The following ACVR2A variants were observed in gnomAD, a reference collection of about 807,000 sequenced individuals.
ACVR2A encodes the protein activin receptor type-2A.
A neutral mutation model predicts 61.4 loss-of-function variants in ACVR2A; 7 were observed. The observed-to-expected ratio is 0.11, with a 90% CI of 0.06 to 0.21. The LOEUF is 0.21. Ranked by LOEUF, ACVR2A falls within the 10% of genes least tolerant of loss-of-function variation. ACVR2A has a pLI of 1.00. For missense variants in ACVR2A, 322 were observed against 621.7 expected (o/e 0.52, Z 5.13); for synonymous variants, 193 against 208.3 (o/e 0.93, Z 0.63).
chr2:147,899,949 A>G (rs949791165), intron 4 of ACVR2A, 51 bp downstream of exon 4: 12 of 1,563,550 alleles, frequency 7.7e-6, no homozygotes, highest in African/African-American at 1.4e-5. Flanking sequence ...TATTTTTGAG[A>G]AATATTACTG....
chr2:147,884,384 C>T (rs571028166), intron 1 of ACVR2A, among the ~76,000 whole-genome samples: 14 of 152,002 alleles, frequency 9.2e-5, no homozygotes, highest in African/African-American at 1.7e-4. Context: ...TCTTAAAACC[C>T]GGGCATTTGT....
In ACVR2A at chr2:147,845,128, C is replaced by G. The variant is rs1558955747; in HGVS notation, c.-25C>G. On this transcript the variant is annotated 5_prime_UTR_variant, in exon 1 of 11. Transcript: ENST00000241416. Reference sequence around the variant, plus strand: ...ACTGGATATCTAGCGAGAACTTCCTCCGGATTCCCCGGCGCCTCGGGAAAA... The same window carrying G: ...ACTGGATATCTAGCGAGAACTTCCTGCGGATTCCCCGGCGCCTCGGGAAAA... The G allele has an allele frequency of 3.7e-6, 6 of 1,607,568 alleles. No individual in the cohort carries two copies. The highest frequency in any genetic ancestry group is 5.1e-6 in the Non-Finnish European group (6 of 1,176,974).
chr2:147,850,882 T>C (rs914549701), intron 1 of ACVR2A, among the ~76,000 whole-genome samples: 6 of 152,108 alleles, frequency 3.9e-5, no homozygotes, highest in East Asian at 1.9e-4. Flanking sequence ...GTCTCTGAGA[T>C]TGGATTTTTT....
chr2:147,861,629 G>A (rs1051178131), intron 1 of ACVR2A, among the ~76,000 whole-genome samples: 10 of 151,946 alleles, frequency 6.6e-5, no homozygotes, highest in African/African-American at 2.4e-4. Context: ...TTCAGATTTG[G>A]GATGCTTAAC....
chr2:147,901,969 T>C (rs1328546227), intron 4 of ACVR2A, among the ~76,000 whole-genome samples: 1 of 151,996 alleles, frequency 6.6e-6, no homozygotes, highest in African/African-American at 2.4e-5. Flanking sequence ...TATTTCAAAA[T>C]AATGATAATT....
chr2:147,847,522 A>G (rs1300478002), intron 1 of ACVR2A, among the ~76,000 whole-genome samples: 2 of 152,184 alleles, frequency 1.3e-5, no homozygotes, highest in Non-Finnish European at 2.9e-5. Context: ...AAAAATCAAA[A>G]TGGGAAACAA....
chr2:147,921,394 C>T (rs188900761), intron 8 of ACVR2A, among the ~76,000 whole-genome samples: 3 of 152,300 alleles, frequency 2.0e-5, no homozygotes, highest in Non-Finnish European at 4.4e-5. Flanking sequence ...TTCTACAAAG[C>T]TAAATGGTTC....
At chr2:147,901,025 C>T (rs961617979) in intron 4 of ACVR2A, among the ~76,000 whole-genome samples, 7 of 151,886 alleles carry the variant, frequency 4.6e-5, no homozygotes, top group Admixed American at 6.6e-5. Context: ...ATACCATGTT[C>T]GGTAATTAGG....
intron 1 of ACVR2A, among the ~76,000 whole-genome samples, chr2:147,883,847 TG>T (rs1686369117): frequency 6.6e-6 from 1 of 152,176 alleles, no homozygotes; most frequent in South Asian, 2.1e-4. Flanking sequence ...CTCTTAACAT[TG>T]CTGGTTCCTC....
chr2:147,902,513 A>G (rs185249637), intron 4 of ACVR2A, among the ~76,000 whole-genome samples: 1 of 152,154 alleles, frequency 6.6e-6, no homozygotes, highest in Admixed American at 6.6e-5. Context: ...GAGGAATAAC[A>G]TCATCTTATG....
intron 3 of ACVR2A, 88 bp downstream of exon 3, chr2:147,899,655 C>A: frequency 6.3e-7 from 1 of 1,584,746 alleles, no homozygotes; most frequent in Non-Finnish European, 8.6e-7. Context: ...TTGCCCCTAC[C>A]TCTTCCCCAA....
intron 5 of ACVR2A, 152 bp downstream of exon 5, chr2:147,915,486 C>T: frequency 1.3e-6 from 1 of 776,210 alleles, no homozygotes. Context: ...CCTGCCTTTG[C>T]ATCTGAGAAA....
At chr2:147,884,153 G>C (rs969143332) in intron 1 of ACVR2A, among the ~76,000 whole-genome samples, 1 of 152,088 alleles carries the variant, frequency 6.6e-6, no homozygotes, top group East Asian at 1.9e-4. Flanking sequence ...ATTTATGCCC[G>C]ATTTTGTTTT....
At chr2:147,872,174 G>C (rs1686037368) in intron 1 of ACVR2A, among the ~76,000 whole-genome samples, 1 of 151,938 alleles carries the variant, frequency 6.6e-6, no homozygotes, top group South Asian at 2.1e-4. Context: ...TGTTCCACCT[G>C]CCACTTTTGC....
chr2:147,907,345 G>T (rs1484775295), intron 4 of ACVR2A, among the ~76,000 whole-genome samples: 1 of 151,970 alleles, frequency 6.6e-6, no homozygotes, highest in East Asian at 1.9e-4. Context: ...TATTCCTTTG[G>T]GTATATACCC....
At chr2:147,849,358 C>G (rs1685393934) in intron 1 of ACVR2A, among the ~76,000 whole-genome samples, 1 of 152,092 alleles carries the variant, frequency 6.6e-6, no homozygotes, top group African/African-American at 2.4e-5. Context: ...AATATGTTCA[C>G]TATTACATGT....
Position 147,918,410 on chromosome 2 carries a change from C to G in ACVR2A, c.817-37C>G, listed in dbSNP as rs767570129. On this transcript the variant is annotated intron_variant, in intron 6 of 10. Coordinates refer to ENST00000241416, the MANE Select transcript of ACVR2A (RefSeq NM_001616.5). Reference sequence around the variant, plus strand: ...GTCTCCTTATACATATGGCCTTTGTCAAGAACATAAGTTTCTTTTTTTCCC... The same window carrying G: ...GTCTCCTTATACATATGGCCTTTGTGAAGAACATAAGTTTCTTTTTTTCCC... The G allele has an allele frequency of 8.9e-6, 14 of 1,581,142 alleles. 1 individual carries two copies. In the South Asian group the frequency reaches 1.1e-4, roughly 12 times the overall value.
chr2:147,914,213 A>T (rs1294995286), intron 4 of ACVR2A, among the ~76,000 whole-genome samples: 1 of 151,894 alleles, frequency 6.6e-6, no homozygotes, highest in African/African-American at 2.4e-5. Flanking sequence ...TGCCACAGAA[A>T]TTTTAGTTCC....
At chr2:147,870,667 C>A (rs1003420003) in intron 1 of ACVR2A, among the ~76,000 whole-genome samples, 12 of 152,128 alleles carry the variant, frequency 7.9e-5, no homozygotes, top group Non-Finnish European at 1.3e-4. Context: ...AACTGTTTAC[C>A]CTGATTTATC....
Sources: gnomAD v4.1 joint callset for allele counts (sites outside exome capture counted in the v4.1 genomes callset) on GRCh38, gnomAD v4.1.1 for gene constraint, MANE v1.5 for transcripts, NCBI Gene and HGNC (gene_info 2026-07-23, HGNC 2026-07-21) for gene names.